The following GMDS variants were observed in gnomAD, a reference collection of about 807,000 sequenced individuals.
The protein encoded by GMDS is GDP-mannose 4,6-dehydratase, also known as GDP-mannose 4,6 dehydratase.
A neutral mutation model predicts 49.9 loss-of-function variants in GMDS; 20 were observed. That is an observed-to-expected ratio of 0.40 (90% CI 0.28 to 0.58). GMDS has a LOEUF of 0.58. Ranked by LOEUF, GMDS falls within the 20% of genes least tolerant of loss-of-function variation. GMDS has a pLI of 0.42. For synonymous variants in GMDS, 177 were observed against 178.6 expected (o/e 0.99, Z 0.07); for missense variants, 362 against 481.4 (o/e 0.75, Z 2.32).
chr6:2,061,127 T>A (rs559488017), intron 4 of GMDS, among the ~76,000 whole-genome samples: 4 of 151,790 alleles, frequency 2.6e-5, no homozygotes, highest in South Asian at 4.2e-4. Context: ...GTGTCCTGGG[T>A]CTGCAAGAAG....
chr6:1,747,670 T>G (rs551663374), intron 7 of GMDS, among the ~76,000 whole-genome samples: 7 of 152,338 alleles, frequency 4.6e-5, no homozygotes, highest in Middle Eastern at 3.4e-3. Context: ...GTAGCTGTTT[T>G]CATGATGGCA....
intron 1 of GMDS, among the ~76,000 whole-genome samples, chr6:2,152,688 CTTTAAG>C (rs1776899459): frequency 1.3e-5 from 2 of 151,998 alleles, no homozygotes; most frequent in Admixed American, 6.5e-5. Flanking sequence ...CTCTAATTAA[CTTTAAG>C]TTTAATTAAA....
At chr6:2,069,144 C>G (rs890455322) in intron 4 of GMDS, among the ~76,000 whole-genome samples, 5 of 152,020 alleles carry the variant, frequency 3.3e-5, no homozygotes, top group Non-Finnish European at 7.4e-5. Context: ...TTTGACAAAC[C>G]TGAGAAAAAC....
chr6:2,097,614 A>T (rs975014117), intron 4 of GMDS, among the ~76,000 whole-genome samples: 1 of 152,176 alleles, frequency 6.6e-6, no homozygotes, highest in African/African-American at 2.4e-5. Flanking sequence ...ATTACACAGG[A>T]AAGGCTTTGA....
chr6:1,720,809 G>A (rs1766357447), intron 9 of GMDS, among the ~76,000 whole-genome samples: 1 of 152,142 alleles, frequency 6.6e-6, no homozygotes. Context: ...GAGGTCAGAA[G>A]GAGCAGGAGC....
intron 7 of GMDS, among the ~76,000 whole-genome samples, chr6:1,923,537 G>A (rs1030504241): frequency 1.3e-5 from 2 of 152,170 alleles, no homozygotes; most frequent in Admixed American, 6.5e-5. Flanking sequence ...GCTCTCTCAC[G>A]TGCTCCCTCC....
chr6:1,890,065 C>T (rs1267726712), intron 7 of GMDS, among the ~76,000 whole-genome samples: 3 of 151,990 alleles, frequency 2.0e-5, no homozygotes, highest in Non-Finnish European at 4.4e-5. Flanking sequence ...ATAATGCTGC[C>T]ACTAGGATCC....
chr6:1,945,174 A>C (rs3800146), intron 6 of GMDS, among the ~76,000 whole-genome samples: 3,960 of 152,220 alleles, frequency 0.026, 170 homozygotes, highest in East Asian at 0.19. Context: ...TAAGGAATGA[A>C]AAATGCAAGG....
chr6:2,015,524 T>C (rs1581518973), intron 4 of GMDS, among the ~76,000 whole-genome samples: 1 of 152,058 alleles, frequency 6.6e-6, no homozygotes, highest in Non-Finnish European at 1.5e-5. Context: ...TAGAGGAAAA[T>C]GTATAGTATT....
intron 7 of GMDS, among the ~76,000 whole-genome samples, chr6:1,914,775 C>G (rs925470542): frequency 6.6e-6 from 1 of 152,232 alleles, no homozygotes; most frequent in Admixed American, 6.5e-5. Flanking sequence ...AACTACCCAT[C>G]ATTCTTGACT....
At chr6:1,881,057 C>T (rs76340474) in intron 7 of GMDS, among the ~76,000 whole-genome samples, 2,071 of 152,210 alleles carry the variant, frequency 0.014, 47 homozygotes, top group African/African-American at 0.047. Flanking sequence ...TCCAGCACTG[C>T]GTTTCTGAGA....
At chr6:1,807,297 C>T (rs1212060771) in intron 7 of GMDS, among the ~76,000 whole-genome samples, 1 of 152,200 alleles carries the variant, frequency 6.6e-6, no homozygotes, top group East Asian at 1.9e-4. Flanking sequence ...CCACCTTGGC[C>T]TCCCAAAGTG....
Position 2,070,116 on chromosome 6 carries a change from T to C in GMDS, c.345+45655A>G, listed in dbSNP as rs371068176. ...ATAAATGATGAGTTCATGTCCTTTGTAGGGACATGGATGAAATTGGAAATC... is the reference window on the plus strand; with the variant it reads ...ATAAATGATGAGTTCATGTCCTTTGCAGGGACATGGATGAAATTGGAAATC... On this transcript the variant is annotated intron_variant, in intron 4 of 10. Coordinates refer to ENST00000380815, the MANE Select transcript of GMDS (RefSeq NM_001500.4). Among the ~76,000 whole-genome samples the C allele has an allele frequency of 8.1e-4, 123 of 151,396 alleles. No homozygotes were observed. The East Asian group carries it at 0.021, about 25-fold the overall frequency.
rs1251819029 is a variant in GMDS at position 1,835,401 on chromosome 6, G to A, written c.772-92815C>T. On this transcript the variant is annotated intron_variant, in intron 7 of 10. Coordinates refer to ENST00000380815, the MANE Select transcript of GMDS (RefSeq NM_001500.4). ...AGCTCCCACAACATCTCACATGCTG[G>A]GAGATCAGCAGCATTCTTTGTAGGG... Among the ~76,000 whole-genome samples the A allele has an allele frequency of 2.6e-5, 4 of 152,100 alleles. No homozygotes were observed. In the East Asian group the frequency reaches 7.7e-4, roughly 29 times the overall value.
At chr6:2,030,497 T>C (rs1768886811) in intron 4 of GMDS, among the ~76,000 whole-genome samples, 1 of 152,186 alleles carries the variant, frequency 6.6e-6, no homozygotes, top group Non-Finnish European at 1.5e-5. Context: ...ATAAAATGCA[T>C]ATAAAACCCT....
intron 7 of GMDS, among the ~76,000 whole-genome samples, chr6:1,905,334 A>G (rs375715544): frequency 1.0e-3 from 119 of 119,270 alleles, no homozygotes; most frequent in Middle Eastern, 5.5e-3. Flanking sequence ...TGTAGGTGGG[A>G]CCTCAAAGGT....
chr6:2,067,908 C>A (rs1342629528), intron 4 of GMDS, among the ~76,000 whole-genome samples: 1 of 151,750 alleles, frequency 6.6e-6, no homozygotes, highest in Non-Finnish European at 1.5e-5. Flanking sequence ...CTCCCTAACT[C>A]ATTTTATGAG....
chr6:1,773,440 A>C (rs548617794), intron 7 of GMDS, among the ~76,000 whole-genome samples: 1 of 152,286 alleles, frequency 6.6e-6, no homozygotes, highest in African/African-American at 2.4e-5. Flanking sequence ...TGTTGGTGCT[A>C]AATCGTTTCA....
At chr6:2,236,646 T>C (rs1184956695) in intron 1 of GMDS, among the ~76,000 whole-genome samples, 1 of 152,214 alleles carries the variant, frequency 6.6e-6, no homozygotes, top group Non-Finnish European at 1.5e-5. Flanking sequence ...TGTAAAAATA[T>C]AGTTCGAATA....
Sources: allele counts gnomAD v4.1 joint callset (sites outside exome capture counted in the v4.1 genomes callset), GRCh38; gene constraint gnomAD v4.1.1; transcripts MANE v1.5; gene names NCBI Gene and HGNC (gene_info 2026-07-23, HGNC 2026-07-21).